SPG21: variants seen among roughly 807,000 people sequenced by gnomAD.
The protein encoded by SPG21 is SPG21 abhydrolase domain containing, maspardin.
Under a neutral mutation model 38.9 loss-of-function variants are expected in SPG21, and 26 were observed. The ratio of observed to expected loss-of-function variants is 0.67; its 90% CI spans 0.49 to 0.93. SPG21 has a LOEUF of 0.93. Among genes scored for constraint, SPG21 ranks in the 40% least tolerant of loss-of-function variants. SPG21 has a pLI of 0.00. For synonymous variants in SPG21, 136 were observed against 128.9 expected (o/e 1.05, Z -0.37); for missense variants, 333 against 376.5 (o/e 0.88, Z 0.96).
At chr15:64,972,066 C>T (rs1170595871) in intron 5 of SPG21, among the ~76,000 whole-genome samples, 3 of 152,180 alleles carry the variant, frequency 2.0e-5, no homozygotes, top group Non-Finnish European at 4.4e-5. Context: ...ACACTAATTT[C>T]TGTAAACCTA....
Position 64,967,470 on chromosome 15 carries a change from C to CTT in SPG21, c.669+1783_669+1784dup, listed in dbSNP as rs34545889. Among the ~76,000 whole-genome samples the CTT allele has an allele frequency of 1.9e-3, 277 of 143,818 alleles. 1 individual carries two copies. The highest frequency in any genetic ancestry group is 9.7e-3 in the South Asian group (44 of 4,526). The allele number at this position is 143,818 out of a possible 152,430, so 94.4% of individuals were successfully genotyped here. ...GTGGCACCATGTCCAGCTAATTTTC[C>CTT]TTTTTTTTTTTTTCTTTTTTTTGAG... is the stretch of plus-strand genomic sequence containing the variant. On this transcript the variant is annotated intron_variant, in intron 7 of 8. Coordinates refer to ENST00000204566, the MANE Select transcript of SPG21 (RefSeq NM_016630.7).
intron 6 of SPG21, 76 bp from the exon 7 acceptor site, chr15:64,969,438 T>A: frequency 9.2e-7 from 1 of 1,081,954 alleles, no homozygotes; most frequent in Non-Finnish European, 1.4e-6. Flanking sequence ...CAGACAACAT[T>A]TGTGCTTATA....
chr15:64,965,657 T>C (rs1198696736), intron 7 of SPG21, among the ~76,000 whole-genome samples, 197 bp from the exon 8 acceptor site: 2 of 152,204 alleles, frequency 1.3e-5, no homozygotes, highest in African/African-American at 2.4e-5. Flanking sequence ...TGGTGACTTA[T>C]AACTCCAACC....
chr15:64,977,168 G>T (rs1028834184), intron 3 of SPG21, among the ~76,000 whole-genome samples: 1 of 151,362 alleles, frequency 6.6e-6, no homozygotes, highest in Non-Finnish European at 1.5e-5. Context: ...GGGTTTGAAC[G>T]ATTCTCCTAC....
In SPG21 at chr15:64,983,584, G is replaced by C. The variant is rs991621697; in HGVS notation, c.-15C>G. 4 of 1,554,508 alleles carry C rather than the reference G, an allele frequency of 2.6e-6. No individual in the cohort carries two copies. Among genetic ancestry groups the C allele is most frequent in the Non-Finnish European group, 3.5e-6 (4 of 1,141,832 alleles). ...ATCTCTCCCATGATTAGCTGAAATG[G>C]AGGTTAATCCTGAAATAAAAGCATG... On this transcript the variant is annotated 5_prime_UTR_variant, in exon 2 of 9. Coordinates refer to ENST00000204566, the MANE Select transcript of SPG21 (RefSeq NM_016630.7).
At chr15:64,987,064 G>A (rs768891215) in intron 1 of SPG21, 17 of 152,196 alleles carry the variant, frequency 1.1e-4, no homozygotes, top group Non-Finnish European at 5.9e-5. Flanking sequence ...GAAATCAGTT[G>A]CAATGCACAA....
intron 8 of SPG21, among the ~76,000 whole-genome samples, chr15:64,964,510 A>T (rs2085505815): frequency 6.6e-6 from 1 of 152,150 alleles, no homozygotes; most frequent in Non-Finnish European, 1.5e-5. Flanking sequence ...TGGCCAGGAT[A>T]TAACTGGTTT....
intron 1 of SPG21, among the ~76,000 whole-genome samples, chr15:64,986,376 A>T (rs1279505860): frequency 6.7e-6 from 1 of 148,806 alleles, no homozygotes; most frequent in Non-Finnish European, 1.5e-5. Context: ...AAAAAAACAA[A>T]CAAAAAAATT....
intron 1 of SPG21, 121 bp from the exon 2 acceptor site, chr15:64,983,714 T>C: frequency 1.5e-6 from 1 of 688,608 alleles, no homozygotes; most frequent in East Asian, 2.8e-5. Context: ...AAACTGGCTA[T>C]TTTGTCAGTA....
intron 1 of SPG21, chr15:64,987,236 G>A (rs1378225477): frequency 6.6e-6 from 1 of 152,214 alleles, no homozygotes; most frequent in Admixed American, 6.5e-5. Context: ...AATCTTACAA[G>A]ATGGAGAGAT....
In SPG21 at chr15:64,965,328, A is replaced by G. The variant is rs754563283; in HGVS notation, c.802T>C (p.Tyr268His). 5 of 1,614,190 alleles carry G rather than the reference A, an allele frequency of 3.1e-6. No individual in the cohort carries two copies. Among genetic ancestry groups the G allele is most frequent in the Non-Finnish European group, 4.2e-6 (5 of 1,180,042 alleles). The change falls in exon 8 of 9, where the codon TAT (tyrosine) becomes CAT (histidine). Residue 268 changes from tyrosine to histidine, a missense_variant. Coordinates refer to ENST00000204566, the MANE Select transcript of SPG21 (RefSeq NM_016630.7). ...TTCAAGCTAGGCCTTACCTGTACATAAAGATTGACCTCTGCACTTCTGCAC... is the reference window on the plus strand; with the variant it reads ...TTCAAGCTAGGCCTTACCTGTACATGAAGATTGACCTCTGCACTTCTGCAC... ...YLCRSAEVNL[Y>H]VQIHLLQFHG... is the part of the protein sequence containing the mutation.
At chr15:64,986,523 T>C (rs996274056) in intron 1 of SPG21, among the ~76,000 whole-genome samples, 7 of 151,506 alleles carry the variant, frequency 4.6e-5, no homozygotes, top group Admixed American at 4.0e-4. Flanking sequence ...CCATCTCTAC[T>C]AAAAATACAA....
At chr15:64,976,787 C>T (rs765946591) in intron 3 of SPG21, among the ~76,000 whole-genome samples, 8 of 152,158 alleles carry the variant, frequency 5.3e-5, no homozygotes, top group Admixed American at 1.3e-4. Flanking sequence ...AATGATATTA[C>T]GTGAGTAACA....
At chr15:64,970,366 T>A (rs2085637698) in intron 5 of SPG21, 144 bp from the exon 6 acceptor site, 1 of 690,298 alleles carries the variant, frequency 1.4e-6, no homozygotes, top group African/African-American at 1.8e-5. Context: ...CATCTAGTTT[T>A]TACACACACT....
chr15:64,964,832 A>G (rs751349533), intron 8 of SPG21, among the ~76,000 whole-genome samples: 4 of 152,152 alleles, frequency 2.6e-5, no homozygotes, highest in South Asian at 2.1e-4. Flanking sequence ...CGGTTTCACC[A>G]TATTGGCCAG....
At chr15:64,969,687 G>GTTTTTTT (rs74643667) in intron 6 of SPG21, among the ~76,000 whole-genome samples, 3 of 126,524 alleles carry the variant, frequency 2.4e-5, no homozygotes, top group African/African-American at 5.3e-5. Context: ...ATATGTTTTT[G>GTTTTTTT]TTTTTTTTTT....
intron 2 of SPG21, chr15:64,982,937 T>G (rs1314838531): frequency 1.3e-5 from 2 of 156,188 alleles, no homozygotes; most frequent in Non-Finnish European, 2.9e-5. Context: ...CATACCTGCT[T>G]GCTTGTATAT....
rs971372082 is a variant in SPG21 at position 64,963,661 on chromosome 15, C to T, written c.886G>A (p.Val296Met). The change falls in exon 9 of 9, where the codon GTG (valine) becomes ATG (methionine). Residue 296 changes from valine (V) to methionine (M), a missense_variant. Physicochemically the swap from Val to Met is conservative, Grantham distance 21 (BLOSUM62 1). Transcript: ENST00000204566. ...CTGATGCCAAGGCTGCCTTTCTGCA[C>T]CTCAAGCTCCTCGGCACTGACCATT... ...PSMVSAEELE[V>M]QKGSLGISQE... The T allele has an allele frequency of 8.1e-6, 13 of 1,614,044 alleles. No homozygotes were observed. The highest frequency in any genetic ancestry group is 1.1e-5 in the Non-Finnish European group (13 of 1,180,048).
At chr15:64,979,845 C>CCA (rs748763100) in intron 3 of SPG21, among the ~76,000 whole-genome samples, 2 of 89,552 alleles carry the variant, frequency 2.2e-5, no homozygotes, top group African/African-American at 9.9e-5. Context: ...TGGAAGCATG[C>CCA]AAAAAAAAAA....
Sources: gnomAD v4.1 joint callset for allele counts (sites outside exome capture counted in the v4.1 genomes callset) on GRCh38, gnomAD v4.1.1 for gene constraint, MANE v1.5 for transcripts, NCBI Gene and HGNC (gene_info 2026-07-23, HGNC 2026-07-21) for gene names.